The following CRISPLD2 variants were observed in gnomAD, a reference collection of about 807,000 sequenced individuals.
CRISPLD2 encodes cysteine-rich secretory protein LCCL domain-containing 2.
CRISPLD2 carries 47 observed loss-of-function variants against 71.1 expected under a neutral mutation model. The observed-to-expected ratio is 0.66, with a 90% CI of 0.52 to 0.84. The LOEUF is 0.84. CRISPLD2 is among the 40% of genes least tolerant of loss of function. The pLI, the probability that CRISPLD2 is intolerant of heterozygous loss-of-function variation, is 0.00. For synonymous variants in CRISPLD2, 317 were observed against 250.1 expected (o/e 1.27, Z -2.52); for missense variants, 830 against 651.1 (o/e 1.27, Z -2.99).
chr16:84,884,573 A>C (rs896248692), intron 13 of CRISPLD2, among the ~76,000 whole-genome samples: 2 of 152,122 alleles, frequency 1.3e-5, no homozygotes, highest in Non-Finnish European at 2.9e-5. Flanking sequence ...GTGGGCCCTG[A>C]GGAGAGGAAT....
Position 84,906,835 on chromosome 16 carries a change from C to A in CRISPLD2, c.*193C>A. 1 of 689,472 alleles carries A rather than the reference C, an allele frequency of 1.5e-6. No homozygotes were observed. Among genetic ancestry groups the A allele is most frequent in the Non-Finnish European group, 2.6e-6 (1 of 388,020 alleles). The allele number at this position is 689,472 out of a possible 1,614,324, so 42.7% of individuals were successfully genotyped here. Reference sequence around the variant, plus strand: ...ACTGAAGCAACAGCATCCCAAGGTGCTCAGCCGGACTCCCTGGTGCCTGAT... The same window carrying A: ...ACTGAAGCAACAGCATCCCAAGGTGATCAGCCGGACTCCCTGGTGCCTGAT... On this transcript the variant is annotated 3_prime_UTR_variant, in exon 15 of 15. Coordinates refer to ENST00000262424, the MANE Select transcript of CRISPLD2 (RefSeq NM_031476.4).
rs536881468 is a variant in CRISPLD2, at chr16:84,908,661, C to T, written c.*2019C>T. The stretch of plus-strand genomic sequence containing the variant: ...CCTAGCAGGATAGAAAGTCCTTGCC[C>T]AGAGCAGGACCTGGCTGTCTTTTTT... On this transcript the variant is annotated 3_prime_UTR_variant, in exon 15 of 15. Transcript: ENST00000262424. 3.3e-5 allele frequency: 5 copies of T among 150,698 alleles called. No homozygotes were observed. Among genetic ancestry groups the T allele is most frequent in the South Asian group, 2.1e-4 (1 of 4,778 alleles). The allele number at this position is 150,698 out of a possible 1,614,324, so 9.3% of individuals were successfully genotyped here. A position where few individuals can be genotyped will look rare whatever the true frequency, so the allele number is the denominator to read the frequency against.
At chr16:84,864,294 T>G (rs975825021) in intron 6 of CRISPLD2, among the ~76,000 whole-genome samples, 1 of 152,122 alleles carries the variant, frequency 6.6e-6, no homozygotes, top group Admixed American at 6.5e-5. Context: ...TACTTTTCAT[T>G]TGTGGGTGTG....
chr16:84,900,864 C>T (rs1364676299), intron 14 of CRISPLD2, among the ~76,000 whole-genome samples: 1 of 151,912 alleles, frequency 6.6e-6, no homozygotes, highest in Admixed American at 6.6e-5. Flanking sequence ...CCAGCATGGG[C>T]GGCATGGTGA....
intron 1 of CRISPLD2, among the ~76,000 whole-genome samples, chr16:84,827,174 C>T (rs1479851542): frequency 3.5e-5 from 5 of 143,960 alleles, no homozygotes; most frequent in Non-Finnish European, 7.5e-5. Flanking sequence ...CTTCTAAGGG[C>T]ACAGGCTGGG....
chr16:84,822,457 G>A (rs957872658), intron 1 of CRISPLD2, among the ~76,000 whole-genome samples: 17 of 152,304 alleles, frequency 1.1e-4, no homozygotes, highest in Non-Finnish European at 2.1e-4. Flanking sequence ...TGTGGGAACT[G>A]GAACTTTTCT....
chr16:84,854,052 T>C (rs60759649), intron 5 of CRISPLD2, among the ~76,000 whole-genome samples: 2,340 of 152,300 alleles, frequency 0.015, 51 homozygotes, highest in African/African-American at 0.053. Context: ...AGAGGGCAAC[T>C]GTGACCCAAG....
intron 1 of CRISPLD2, among the ~76,000 whole-genome samples, chr16:84,835,788 C>A (rs1916603579): frequency 6.6e-6 from 1 of 152,246 alleles, no homozygotes; most frequent in Admixed American, 6.5e-5. Flanking sequence ...GTGGAAGTCC[C>A]TTTAACATTC....
At chr16:84,838,909 G>C in intron 2 of CRISPLD2, 174 bp downstream of exon 2, 1 of 890,600 alleles carries the variant, frequency 1.1e-6, no homozygotes, top group Non-Finnish European at 1.8e-6. Flanking sequence ...TTTGTTTTGA[G>C]ACAGGGTCTC....
intron 14 of CRISPLD2, among the ~76,000 whole-genome samples, chr16:84,905,327 C>G (rs1434158126): frequency 6.6e-6 from 1 of 152,100 alleles, no homozygotes; most frequent in Non-Finnish European, 1.5e-5. Flanking sequence ...TATAAAATCT[C>G]TAAAAACCAT....
chr16:84,879,056 G>T (rs1484355643), intron 12 of CRISPLD2, among the ~76,000 whole-genome samples: 1 of 152,154 alleles, frequency 6.6e-6, no homozygotes, highest in Admixed American at 6.5e-5. Flanking sequence ...GCAGGGAAAG[G>T]CCCAGGAGGG....
At chr16:84,822,276 G>A (rs1363933489) in intron 1 of CRISPLD2, among the ~76,000 whole-genome samples, 1 of 152,244 alleles carries the variant, frequency 6.6e-6, no homozygotes, top group Non-Finnish European at 1.5e-5. Context: ...GCCTGAGCTA[G>A]GGAAGAAGAC....
intron 13 of CRISPLD2, among the ~76,000 whole-genome samples, chr16:84,881,352 C>T (rs978142553): frequency 3.3e-5 from 5 of 152,222 alleles, no homozygotes; most frequent in African/African-American, 4.8e-5. Flanking sequence ...CAATCTCTTC[C>T]TCTGTTTTTT....
At chr16:84,883,561 G>A (rs1336962689) in intron 13 of CRISPLD2, among the ~76,000 whole-genome samples, 1 of 152,180 alleles carries the variant, frequency 6.6e-6, no homozygotes, top group African/African-American at 2.4e-5. Flanking sequence ...ATCCACCCCC[G>A]CGCCTGCCTG....
At chr16:84,899,488 G>T (rs778743810) in intron 14 of CRISPLD2, among the ~76,000 whole-genome samples, 3 of 152,162 alleles carry the variant, frequency 2.0e-5, no homozygotes, top group Non-Finnish European at 4.4e-5. Context: ...AACTGCTTGA[G>T]GCATGAACAA....
chr16:84,870,333 T>C (rs891633516), intron 8 of CRISPLD2, among the ~76,000 whole-genome samples: 14 of 152,206 alleles, frequency 9.2e-5, no homozygotes, highest in South Asian at 4.1e-4. Flanking sequence ...TTTTTTTTTT[T>C]CTTTGAGTTG....
chr16:84,891,171 G>A lies in CRISPLD2; in HGVS notation c.1439+1808G>A, dbSNP rs999581755. 3.3e-5 allele frequency among the ~76,000 whole-genome samples: 5 copies of A among 152,212 alleles called. 1 individual carries two copies. The highest frequency in any genetic ancestry group is 9.7e-5 in the African/African-American group (4 of 41,448). ...ATTTTGAGGGACCACAGGCGAGCTC[G>A]TAACAGGGCAATGTTGAAGATTTCA... On this transcript the variant is annotated intron_variant, in intron 14 of 14. Transcript: ENST00000262424.
At chr16:84,901,126 C>G (rs1022083473) in intron 14 of CRISPLD2, among the ~76,000 whole-genome samples, 5 of 151,488 alleles carry the variant, frequency 3.3e-5, no homozygotes, top group African/African-American at 1.2e-4. Context: ...CAATGGAATA[C>G]TATGCAGTGG....
At chr16:84,864,032 G>A (rs1034836665) in intron 6 of CRISPLD2, among the ~76,000 whole-genome samples, 6 of 152,044 alleles carry the variant, frequency 3.9e-5, no homozygotes, top group African/African-American at 1.4e-4. Context: ...TGCATGCCGG[G>A]GAGGGCCCAG....
Sources: allele counts gnomAD v4.1 joint callset (sites outside exome capture counted in the v4.1 genomes callset), GRCh38; gene constraint gnomAD v4.1.1; transcripts MANE v1.5; gene names NCBI Gene and HGNC (gene_info 2026-07-23, HGNC 2026-07-21).